PON3: variants seen among roughly 807,000 people sequenced by gnomAD.
PON3 encodes serum paraoxonase/lactonase 3.
In PON3, 37 loss-of-function variants were observed where a neutral mutation model predicts 36.3. That is an observed-to-expected ratio of 1.02 (90% CI 0.78 to 1.34). The LOEUF (loss-of-function observed/expected upper bound fraction) is 1.34, where lower values mean the gene tolerates loss of function less well. Among genes scored for constraint, PON3 ranks in the 40% most tolerant of loss-of-function variants. The pLI, the probability that PON3 is intolerant of heterozygous loss-of-function variation, is 0.00. For missense variants in PON3, 415 were observed against 426.5 expected, an observed-to-expected ratio of 0.97 and a Z score of 0.24; for synonymous variants, 155 against 154.8, an observed-to-expected ratio of 1.00 and a Z score of -0.01.
At position 95,362,355 on chromosome 7, in the gene PON3, A is replaced by G. The variant is rs1271927953; in HGVS notation, c.906+7T>C. 6.2e-7 allele frequency: 1 copy of G among 1,613,526 alleles called. No individual in the cohort carries two copies. Among genetic ancestry groups the G allele is most frequent in the African/African-American group, 1.3e-5 (1 of 74,912 alleles). On this transcript the variant is annotated splice_region_variant and intron_variant, in intron 8 of 8. Transcript: ENST00000265627. ...GCCTGTGAGCTCAGAGAGGTATAGG[A>G]ACTTACTTCTGATCCTGGAGGGTCC...
intron 3 of PON3, among the ~76,000 whole-genome samples, chr7:95,385,908 TTAAAGCAGTGTG>T (rs146004004): frequency 0.15 from 22,067 of 152,114 alleles, 1,679 homozygotes; most frequent in South Asian, 0.23. Flanking sequence ...TGGAACACAT[TTAAAGCAGTGTG>T]TAGAGGGGAA....
intron 3 of PON3, among the ~76,000 whole-genome samples, chr7:95,385,643 T>C (rs1208147820): frequency 6.6e-6 from 1 of 152,206 alleles, no homozygotes; most frequent in African/African-American, 2.4e-5. Context: ...ATCGCACTTA[T>C]TCTAAAATTG....
At chr7:95,390,702 CTAA>C (rs1303442613) in intron 2 of PON3, among the ~76,000 whole-genome samples, 2 of 152,046 alleles carry the variant, frequency 1.3e-5, no homozygotes, top group Non-Finnish European at 1.5e-5. Flanking sequence ...GAGTAATAAA[CTAA>C]TGAGTATAAA....
intron 4 of PON3, among the ~76,000 whole-genome samples, chr7:95,370,191 G>T (rs542976972): frequency 8.0e-4 from 121 of 152,184 alleles, no homozygotes; most frequent in Non-Finnish European, 1.0e-3. Flanking sequence ...TGAAAAGAGG[G>T]ACATAATCAG....
At chr7:95,364,093 C>T (rs768654209) in intron 5 of PON3, 30 bp from the exon 6 acceptor site, 26 of 1,542,228 alleles carry the variant, frequency 1.7e-5, no homozygotes, top group Non-Finnish European at 2.2e-5. Flanking sequence ...GAAAAAGAGA[C>T]CCATGAGGTA....
At chr7:95,371,952 A>G (rs1808816172) in intron 4 of PON3, among the ~76,000 whole-genome samples, 1 of 152,150 alleles carries the variant, frequency 6.6e-6, no homozygotes, top group African/African-American at 2.4e-5. Flanking sequence ...AGACAAGTGG[A>G]TAGAAGGAAG....
At chr7:95,371,001 G>C (rs1257866617) in intron 4 of PON3, among the ~76,000 whole-genome samples, 1 of 152,126 alleles carries the variant, frequency 6.6e-6, no homozygotes, top group Non-Finnish European at 1.5e-5. Flanking sequence ...TTTTCTGTCT[G>C]TGAATTCACC....
chr7:95,360,185 T>G, intron 8 of PON3, 54 bp from the exon 9 acceptor site: 1 of 1,470,572 alleles, frequency 6.8e-7, no homozygotes, highest in Admixed American at 1.7e-5. Context: ...ACCTGTTTCA[T>G]GATGTCCTTC....
Position 95,374,554 on chromosome 7 carries a change from A to T in PON3, c.202-2216T>A, listed in dbSNP as rs17883838. Among the ~76,000 whole-genome samples the T allele has an allele frequency of 3.6e-3, 543 of 152,172 alleles. 4 individuals are homozygous for T. Among genetic ancestry groups the T allele is most frequent in the Middle Eastern group, 0.014 (4 of 294 alleles). On this transcript the variant is annotated intron_variant, in intron 3 of 8. Coordinates refer to ENST00000265627, the MANE Select transcript of PON3 (RefSeq NM_000940.3). ...TTACTGCCTCTTCATATATGCATTTATCTCTCTTCCCCTCACCATCAAATT... is the reference window on the plus strand; with the variant it reads ...TTACTGCCTCTTCATATATGCATTTTTCTCTCTTCCCCTCACCATCAAATT...
intron 6 of PON3, 139 bp downstream of exon 6, chr7:95,363,724 T>C (rs944259020): frequency 3.5e-6 from 3 of 850,816 alleles, no homozygotes; most frequent in East Asian, 4.8e-5. Flanking sequence ...ACAGATTTAG[T>C]GTGAACCCTG....
At chr7:95,385,097 G>A (rs553571996) in intron 3 of PON3, among the ~76,000 whole-genome samples, 2 of 152,120 alleles carry the variant, frequency 1.3e-5, no homozygotes, top group Admixed American at 6.6e-5. Flanking sequence ...GCAAACTATC[G>A]CAAGGACAAA....
rs1419886682 is a variant in PON3, at chr7:95,362,354, G to A, written c.906+8C>T. ...TGCCTGTGAGCTCAGAGAGGTATAG[G>A]AACTTACTTCTGATCCTGGAGGGTC... On this transcript the variant is annotated splice_region_variant and intron_variant, in intron 8 of 8. Coordinates refer to ENST00000265627, the MANE Select transcript of PON3 (RefSeq NM_000940.3). The A allele has an allele frequency of 2.5e-6, 4 of 1,613,570 alleles. No individual in the cohort carries two copies. The highest frequency in any genetic ancestry group is 1.6e-4 in the Middle Eastern group (1 of 6,062).
intron 3 of PON3, among the ~76,000 whole-genome samples, chr7:95,383,032 G>T (rs1402048669): frequency 2.0e-5 from 3 of 152,226 alleles, no homozygotes; most frequent in Non-Finnish European, 4.4e-5. Context: ...TCCCTGGGAT[G>T]CAAGGCTGGT....
At chr7:95,394,904 A>G (rs891192912) in intron 1 of PON3, among the ~76,000 whole-genome samples, 190 bp from the exon 2 acceptor site, 33 of 152,218 alleles carry the variant, frequency 2.2e-4, no homozygotes, top group African/African-American at 6.8e-4. Flanking sequence ...TATTTTACCT[A>G]TATCAGCTAA....
intron 3 of PON3, among the ~76,000 whole-genome samples, chr7:95,380,604 G>T (rs1809026096): frequency 1.3e-5 from 2 of 152,204 alleles, no homozygotes; most frequent in Non-Finnish European, 2.9e-5. Context: ...GGGTAACAAT[G>T]ATTGAAGATC....
chr7:95,385,234 A>T lies in PON3; in HGVS notation c.201+4920T>A, dbSNP rs181060406. Among the ~76,000 whole-genome samples the T allele has an allele frequency of 2.7e-3, 417 of 152,318 alleles. 12 individuals carry two copies. The highest frequency in any genetic ancestry group is 0.026 in the Admixed American group (395 of 15,282). ...AGGGGGAAGAGGGAGGGATAGCATT[A>T]GAAGATATACCTAATGTAAATGATG... On this transcript the variant is annotated intron_variant, in intron 3 of 8. Transcript: ENST00000265627.
At chr7:95,379,398 G>A (rs1808992722) in intron 3 of PON3, among the ~76,000 whole-genome samples, 2 of 152,264 alleles carry the variant, frequency 1.3e-5, no homozygotes, top group African/African-American at 4.8e-5. Context: ...GCCGAAGCAG[G>A]GTGAGGCATC....
At chr7:95,383,111 A>G (rs983649795) in intron 3 of PON3, among the ~76,000 whole-genome samples, 1 of 152,234 alleles carries the variant, frequency 6.6e-6, no homozygotes, top group Non-Finnish European at 1.5e-5. Flanking sequence ...CCACATGATT[A>G]TCTCACTAGA....
intron 8 of PON3, 26 bp downstream of exon 8, chr7:95,362,336 G>T: frequency 6.2e-7 from 1 of 1,613,196 alleles, no homozygotes; most frequent in Non-Finnish European, 8.5e-7. Flanking sequence ...CTTTGCCTGT[G>T]AGCTCAGAGA....
Sources: gnomAD v4.1 joint callset for allele counts (sites outside exome capture counted in the v4.1 genomes callset) on GRCh38, gnomAD v4.1.1 for gene constraint, MANE v1.5 for transcripts, NCBI Gene and HGNC (gene_info 2026-07-23, HGNC 2026-07-21) for gene names.